PSD3: variants seen among roughly 807,000 people sequenced by gnomAD.
The protein encoded by PSD3 is PH and SEC7 domain-containing protein 3.
In PSD3, 49 loss-of-function variants were observed where a neutral mutation model predicts 105.5. The observed-to-expected ratio is 0.46, with a 90% CI of 0.37 to 0.59. The LOEUF (loss-of-function observed/expected upper bound fraction) is 0.59. Ranked by LOEUF, PSD3 falls within the 20% of genes least tolerant of loss-of-function variation. The pLI, the probability that PSD3 is intolerant of heterozygous loss-of-function variation, is 0.00. For missense variants in PSD3, 1,561 were observed against 1,263.8 expected, an observed-to-expected ratio of 1.24 and a Z score of -3.57; for synonymous variants, 557 against 457.8, an observed-to-expected ratio of 1.22 and a Z score of -2.77.
intron 1 of PSD3, among the ~76,000 whole-genome samples, chr8:18,985,405 G>C (rs1399336626): frequency 6.6e-6 from 1 of 152,132 alleles, no homozygotes; most frequent in Non-Finnish European, 1.5e-5. Context: ...TAATACTTAA[G>C]AATACAATCA....
intron 9 of PSD3, among the ~76,000 whole-genome samples, chr8:18,679,398 G>C (rs1199809569): frequency 6.6e-6 from 1 of 152,190 alleles, no homozygotes; most frequent in Non-Finnish European, 1.5e-5. Context: ...CAATGGATTA[G>C]GCACTTAGCA....
chr8:18,964,096 C>G (rs1427440719), intron 1 of PSD3, among the ~76,000 whole-genome samples: 1 of 152,184 alleles, frequency 6.6e-6, no homozygotes, highest in Non-Finnish European at 1.5e-5. Context: ...ACACCATTCT[C>G]TAAATCTAAT....
intron 1 of PSD3, among the ~76,000 whole-genome samples, chr8:18,958,637 C>G (rs1436834788): frequency 6.6e-6 from 1 of 152,152 alleles, no homozygotes; most frequent in Non-Finnish European, 1.5e-5. Context: ...GAATGCCAAG[C>G]TGTTTTAATT....
chr8:18,771,241 T>C (rs1807495785), intron 8 of PSD3, among the ~76,000 whole-genome samples: 1 of 152,198 alleles, frequency 6.6e-6, no homozygotes, highest in South Asian at 2.1e-4. Context: ...GTTCTCACTT[T>C]GGGCCACCGC....
intron 9 of PSD3, among the ~76,000 whole-genome samples, chr8:18,746,528 T>C (rs1805041204): frequency 6.6e-6 from 1 of 152,140 alleles, no homozygotes; most frequent in Non-Finnish European, 1.5e-5. Flanking sequence ...GTGTTGCTGG[T>C]CAGGGGTCCC....
chr8:18,894,029 C>T (rs1339172006), intron 2 of PSD3, among the ~76,000 whole-genome samples: 1 of 152,158 alleles, frequency 6.6e-6, no homozygotes, highest in African/African-American at 2.4e-5. Context: ...CAAATGTACC[C>T]TAAGTCAGTC....
chr8:19,008,223 G>C (rs766717290), intron 1 of PSD3, among the ~76,000 whole-genome samples: 1 of 151,864 alleles, frequency 6.6e-6, no homozygotes, highest in Non-Finnish European at 1.5e-5. Context: ...CACTAGAAAT[G>C]AATCGGCGAA....
At chr8:18,593,611 A>G (rs1236470251) in intron 12 of PSD3, among the ~76,000 whole-genome samples, 1 of 152,266 alleles carries the variant, frequency 6.6e-6, no homozygotes, top group African/African-American at 2.4e-5. Context: ...TGACCCAGCC[A>G]TCCCATTACT....
At chr8:18,843,911 G>C (rs916803527) in intron 4 of PSD3, among the ~76,000 whole-genome samples, 3 of 128,300 alleles carry the variant, frequency 2.3e-5, no homozygotes, top group African/African-American at 8.6e-5. Flanking sequence ...TTATAAGATA[G>C]ACTATTTTTT....
chr8:18,933,931 G>A (rs1821908851), intron 2 of PSD3, among the ~76,000 whole-genome samples: 1 of 152,176 alleles, frequency 6.6e-6, no homozygotes, highest in Non-Finnish European at 1.5e-5. Context: ...TTAAGTATAA[G>A]AGATATACTA....
At chr8:19,074,599 ATATATATATATAT>A (rs1563546461) in intron 1 of PSD3, among the ~76,000 whole-genome samples, 3 of 22,472 alleles carry the variant, frequency 1.3e-4, no homozygotes, top group East Asian at 1.1e-3. Flanking sequence ...ATACATATAT[ATATATATATATAT>A]TTTTTTTTTT....
intron 1 of PSD3, among the ~76,000 whole-genome samples, chr8:19,048,601 C>T (rs1396753547): frequency 6.6e-6 from 1 of 152,110 alleles, no homozygotes. Context: ...ATCAAGATGG[C>T]CAATAAACAT....
Position 18,688,176 on chromosome 8 carries a change from T to C in PSD3, c.2173-32491A>G, listed in dbSNP as rs1800769895. 3.3e-5 allele frequency among the ~76,000 whole-genome samples: 5 copies of C among 152,168 alleles called. No homozygotes were observed. The South Asian group carries it at 1.0e-3, about 32-fold the overall frequency. On this transcript the variant is annotated intron_variant, in intron 9 of 15. Coordinates refer to ENST00000327040, the MANE Select transcript of PSD3 (RefSeq NM_015310.4). ...TCACTGCAGCTATGAGCAAAGATCC[T>C]GGACTCAAGTGATCCTCATGCCTGA... is the stretch of plus-strand genomic sequence containing the variant.
intron 2 of PSD3, among the ~76,000 whole-genome samples, chr8:18,874,453 T>C (rs913795037): frequency 3.9e-5 from 6 of 152,116 alleles, no homozygotes; most frequent in Admixed American, 3.9e-4. Flanking sequence ...TCATGAGCCA[T>C]CGCACCTGGC....
At chr8:18,667,897 C>A (rs1040793619) in intron 9 of PSD3, among the ~76,000 whole-genome samples, 2 of 152,348 alleles carry the variant, frequency 1.3e-5, no homozygotes, top group Admixed American at 6.5e-5. Flanking sequence ...CTGGGGGACC[C>A]GGTGCACCCT....
chr8:18,592,380 C>T (rs1585325508), intron 12 of PSD3, among the ~76,000 whole-genome samples: 1 of 152,030 alleles, frequency 6.6e-6, no homozygotes, highest in Non-Finnish European at 1.5e-5. Flanking sequence ...GCCTTATACA[C>T]ATCATTATGC....
intron 2 of PSD3, among the ~76,000 whole-genome samples, chr8:18,875,198 C>A (rs1033715147): frequency 6.6e-6 from 1 of 152,148 alleles, no homozygotes; most frequent in African/African-American, 2.4e-5. Context: ...CATGAGCCAC[C>A]ATGCCTGGCC....
chr8:18,607,223 G>C (rs1804902699), intron 11 of PSD3, among the ~76,000 whole-genome samples: 2 of 152,152 alleles, frequency 1.3e-5, no homozygotes, highest in Non-Finnish European at 2.9e-5. Flanking sequence ...ACAGATCTCA[G>C]AACAGAGGCA....
chr8:18,770,537 T>A (rs1442599040), intron 8 of PSD3, among the ~76,000 whole-genome samples: 1 of 152,158 alleles, frequency 6.6e-6, no homozygotes, highest in Non-Finnish European at 1.5e-5. Flanking sequence ...CCAACTCCAC[T>A]CACTCAAATC....
Sources: allele counts gnomAD v4.1 joint callset (sites outside exome capture counted in the v4.1 genomes callset), GRCh38; gene constraint gnomAD v4.1.1; transcripts MANE v1.5; gene names NCBI Gene and HGNC (gene_info 2026-07-23, HGNC 2026-07-21).